PDGFD: variants seen among roughly 807,000 people sequenced by gnomAD.
The protein encoded by PDGFD is platelet derived growth factor D.
PDGFD carries 30 observed loss-of-function variants against 44.7 expected under a neutral mutation model. The ratio of observed to expected loss-of-function variants is 0.67; its 90% confidence interval spans 0.50 to 0.91. The LOEUF is 0.91. Among genes scored for constraint, PDGFD ranks in the 40% least tolerant of loss-of-function variants. The pLI is 0.00. For missense variants in PDGFD, 445 were observed against 457.8 expected, an observed-to-expected ratio of 0.97 and a Z score of 0.25; for synonymous variants, 173 against 168.4, an observed-to-expected ratio of 1.03 and a Z score of -0.21.
intron 3 of PDGFD, among the ~76,000 whole-genome samples, chr11:103,975,782 T>C (rs1421992662): frequency 2.0e-5 from 3 of 152,172 alleles, no homozygotes; most frequent in Non-Finnish European, 2.9e-5. Context: ...TTTTGTCAGG[T>C]TTGTCGAAGA....
At chr11:104,076,129 T>C (rs1860955387) in intron 1 of PDGFD, among the ~76,000 whole-genome samples, 1 of 152,206 alleles carries the variant, frequency 6.6e-6, no homozygotes, top group African/African-American at 2.4e-5. Context: ...TGCTCAGCAC[T>C]TCTCCTTCCT....
chr11:104,155,530 T>A (rs1862295040), intron 1 of PDGFD, among the ~76,000 whole-genome samples: 1 of 152,174 alleles, frequency 6.6e-6, no homozygotes, highest in South Asian at 2.1e-4. Context: ...AGTTCTCTTA[T>A]CTATTCTAAT....
intron 1 of PDGFD, chr11:104,038,318 A>G: frequency 3.3e-6 from 1 of 300,146 alleles, no homozygotes; most frequent in Non-Finnish European, 6.6e-6. Context: ...ATCCTATCAG[A>G]TTACAGGTGG....
At chr11:104,157,285 C>G (rs1317640139) in intron 1 of PDGFD, among the ~76,000 whole-genome samples, 2 of 152,108 alleles carry the variant, frequency 1.3e-5, no homozygotes, top group Admixed American at 6.5e-5. Context: ...TGAAATGATT[C>G]CATCTGTATT....
At chr11:104,090,776 C>A (rs759901189) in intron 1 of PDGFD, among the ~76,000 whole-genome samples, 1 of 152,014 alleles carries the variant, frequency 6.6e-6, no homozygotes, top group Non-Finnish European at 1.5e-5. Context: ...ATAAATTACT[C>A]TTTCTTTTTG....
At chr11:103,948,809 G>A (rs1858700660) in intron 3 of PDGFD, among the ~76,000 whole-genome samples, 1 of 152,090 alleles carries the variant, frequency 6.6e-6, no homozygotes, top group African/African-American at 2.4e-5. Context: ...AATTTCCTGT[G>A]TTTAATAAAA....
intron 6 of PDGFD, among the ~76,000 whole-genome samples, chr11:103,926,448 T>C (rs894378259): frequency 6.6e-6 from 1 of 152,256 alleles, no homozygotes; most frequent in African/African-American, 2.4e-5. Context: ...ACATACTTCA[T>C]ATTTAGAAAA....
chr11:104,049,925 A>G (rs945720638), intron 1 of PDGFD, among the ~76,000 whole-genome samples: 1 of 152,126 alleles, frequency 6.6e-6, no homozygotes, highest in Non-Finnish European at 1.5e-5. Context: ...GAGGTGGGAG[A>G]GCAACTAACA....
At chr11:104,121,097 C>T (rs1416964932) in intron 1 of PDGFD, among the ~76,000 whole-genome samples, 5 of 152,016 alleles carry the variant, frequency 3.3e-5, no homozygotes, top group Admixed American at 1.3e-4. Context: ...AGTGACAGCA[C>T]ATGTCACCAC....
At chr11:103,983,196 AGT>A (rs1390895839) in intron 3 of PDGFD, among the ~76,000 whole-genome samples, 1 of 151,842 alleles carries the variant, frequency 6.6e-6, no homozygotes, top group Non-Finnish European at 1.5e-5. Flanking sequence ...TAACCAAAAC[AGT>A]GTGGCACTGG....
At chr11:104,022,994 A>C (rs1859986554) in intron 1 of PDGFD, among the ~76,000 whole-genome samples, 1 of 152,156 alleles carries the variant, frequency 6.6e-6, no homozygotes, top group South Asian at 2.1e-4. Flanking sequence ...TGACTGCCCA[A>C]GGAACAAAAC....
intron 1 of PDGFD, among the ~76,000 whole-genome samples, chr11:104,162,419 C>G (rs934524067): frequency 6.7e-6 from 1 of 149,948 alleles, no homozygotes; most frequent in East Asian, 2.0e-4. Context: ...AGACAAAAAA[C>G]CACACAGTTT....
At chr11:104,118,125 T>C (rs896519179) in intron 1 of PDGFD, among the ~76,000 whole-genome samples, 19 of 151,982 alleles carry the variant, frequency 1.3e-4, no homozygotes, top group African/African-American at 3.6e-4. Context: ...ACAAAGAAAA[T>C]TGTATTTCTT....
intron 1 of PDGFD, among the ~76,000 whole-genome samples, chr11:104,133,027 G>A (rs1477278507): frequency 6.6e-6 from 1 of 152,206 alleles, no homozygotes; most frequent in South Asian, 2.1e-4. Flanking sequence ...GTTGTCACAG[G>A]AAGAGGCATA....
intron 5 of PDGFD, among the ~76,000 whole-genome samples, chr11:103,929,593 A>T (rs1390165140): frequency 4.6e-5 from 7 of 152,210 alleles, no homozygotes; most frequent in Non-Finnish European, 1.0e-4. Flanking sequence ...AGTTTTATGC[A>T]TCAATTCACT....
chr11:103,919,859 G>GAA lies in PDGFD; in HGVS notation c.987+7051_987+7052dup, dbSNP rs11452262. On this transcript the variant is annotated intron_variant, in intron 6 of 6. Coordinates refer to ENST00000393158, the MANE Select transcript of PDGFD (RefSeq NM_025208.5). The stretch of plus-strand genomic sequence containing the variant: ...TTTTCAGCACACACAGTTTCTCAAG[G>GAA]AAAAAAAAAAGCTTCTCTTTTGATC... Among the ~76,000 whole-genome samples the GAA allele has an allele frequency of 1.9e-3, 281 of 148,930 alleles. 3 individuals are homozygous for GAA. Among genetic ancestry groups the GAA allele is most frequent in the Middle Eastern group, 3.4e-3 (1 of 290 alleles).
intron 1 of PDGFD, among the ~76,000 whole-genome samples, chr11:104,029,598 T>C (rs988479312): frequency 1.3e-5 from 2 of 152,214 alleles, no homozygotes; most frequent in Non-Finnish European, 2.9e-5. Flanking sequence ...CTTTGGAATC[T>C]CTCAATATAC....
chr11:103,953,887 G>A (rs1371172502), intron 3 of PDGFD, among the ~76,000 whole-genome samples: 1 of 152,154 alleles, frequency 6.6e-6, no homozygotes, highest in African/African-American at 2.4e-5. Context: ...ACTAAAACAT[G>A]GCTAACACAA....
intron 1 of PDGFD, among the ~76,000 whole-genome samples, chr11:104,116,490 T>C (rs1236594587): frequency 1.3e-5 from 2 of 151,258 alleles, no homozygotes; most frequent in Non-Finnish European, 3.0e-5. Context: ...ATTGACACTA[T>C]TCCACAAGAC....
Sources: allele counts gnomAD v4.1 joint callset (sites outside exome capture counted in the v4.1 genomes callset), GRCh38; gene constraint gnomAD v4.1.1; transcripts MANE v1.5; gene names NCBI Gene and HGNC (gene_info 2026-07-23, HGNC 2026-07-21).